DLG2: variants seen among roughly 807,000 people sequenced by gnomAD.
DLG2 encodes discs large MAGUK scaffold protein 2.
Under a neutral mutation model 132.5 loss-of-function variants are expected in DLG2, and 45 were observed. The observed-to-expected ratio is 0.34, with a 90% CI of 0.27 to 0.44. The LOEUF is 0.44. Ranked by LOEUF, DLG2 falls within the 20% of genes least tolerant of loss-of-function variation. DLG2 has a pLI of 1.00. For missense variants in DLG2, 1,045 were observed against 1,196.9 expected (o/e 0.87, Z 1.87); for synonymous variants, 424 against 419.6 (o/e 1.01, Z -0.13).
intron 6 of DLG2, among the ~76,000 whole-genome samples, chr11:84,587,403 GA>G (rs2099532333): frequency 6.6e-6 from 1 of 152,030 alleles, no homozygotes; most frequent in Non-Finnish European, 1.5e-5. Flanking sequence ...ACATTCCCAT[GA>G]CCCCTGAGCC....
intron 11 of DLG2, among the ~76,000 whole-genome samples, chr11:84,054,842 A>C (rs748066771): frequency 6.6e-6 from 1 of 152,096 alleles, no homozygotes; most frequent in Admixed American, 6.6e-5. Context: ...TTTATCCTCT[A>C]TTCTGTGCAA....
intron 16 of DLG2, among the ~76,000 whole-genome samples, chr11:83,850,161 T>TG (rs58290466): frequency 0.51 from 64,948 of 126,382 alleles, 15,510 homozygotes; most frequent in Middle Eastern, 0.69. Context: ...TGTGTGTGTG[T>TG]TTTTTTACTT....
rs183927159 is a variant in DLG2 at position 84,247,257 on chromosome 11, G to A, written c.573+3981C>T. Among the ~76,000 whole-genome samples, 6 of 152,212 alleles carry A rather than the reference G, an allele frequency of 3.9e-5. No individual in the cohort carries two copies. The East Asian group carries it at 9.7e-4, about 25-fold the overall frequency. ...GTGTCTGCTGAAAGGAGAGGAGAGC[G>A]CAATGTCAGTTGGTTGCAGAGTACC... On this transcript the variant is annotated intron_variant, in intron 8 of 27. Transcript: ENST00000376104.
chr11:84,209,027 T>C (rs1198058552), intron 8 of DLG2, among the ~76,000 whole-genome samples: 1 of 152,202 alleles, frequency 6.6e-6, no homozygotes, highest in Non-Finnish European at 1.5e-5. Context: ...TATATGTGTA[T>C]ACATAGGATA....
intron 7 of DLG2, among the ~76,000 whole-genome samples, chr11:84,450,434 C>A (rs1282441435): frequency 3.5e-5 from 5 of 142,868 alleles, no homozygotes; most frequent in African/African-American, 5.2e-5. Context: ...CCAGAAGAAA[C>A]AGCAGGAGCA....
chr11:83,628,666 T>A (rs567476224), intron 19 of DLG2, among the ~76,000 whole-genome samples: 1 of 152,304 alleles, frequency 6.6e-6, no homozygotes, highest in African/African-American at 2.4e-5. Context: ...TACCTCCTCA[T>A]CTGCATCAGG....
At chr11:85,522,866 A>G (rs949304617) in intron 3 of DLG2, among the ~76,000 whole-genome samples, 2 of 152,208 alleles carry the variant, frequency 1.3e-5, no homozygotes, top group African/African-American at 4.8e-5. Flanking sequence ...TCACAGGCAT[A>G]AGGGACTTGC....
intron 6 of DLG2, among the ~76,000 whole-genome samples, chr11:84,681,907 T>C (rs921262534): frequency 2.6e-5 from 4 of 152,026 alleles, no homozygotes; most frequent in Non-Finnish European, 5.9e-5. Flanking sequence ...AATATTGCTA[T>C]TATAGTATCT....
chr11:83,982,809 C>A (rs1211293506), intron 11 of DLG2, among the ~76,000 whole-genome samples: 4 of 152,136 alleles, frequency 2.6e-5, no homozygotes, highest in Non-Finnish European at 5.9e-5. Context: ...ATGCCCTGTA[C>A]AGATGTACCG....
intron 15 of DLG2, among the ~76,000 whole-genome samples, chr11:83,902,749 G>A (rs2073809679): frequency 6.6e-6 from 1 of 152,048 alleles, no homozygotes; most frequent in Non-Finnish European, 1.5e-5. Flanking sequence ...AATATAGGAA[G>A]GCAGATTGGA....
chr11:85,010,983 G>A (rs934630344), intron 6 of DLG2, among the ~76,000 whole-genome samples: 1 of 152,098 alleles, frequency 6.6e-6, no homozygotes, highest in Non-Finnish European at 1.5e-5. Context: ...GGGCACTGCT[G>A]GCATTTCAGA....
intron 7 of DLG2, among the ~76,000 whole-genome samples, chr11:84,471,150 G>A (rs2154490159): frequency 6.6e-6 from 1 of 151,728 alleles, no homozygotes; most frequent in African/African-American, 2.4e-5. Flanking sequence ...ATGGAACTGG[G>A]GTTCCCAGAC....
chr11:85,274,657 A>C (rs2077771545), intron 4 of DLG2, among the ~76,000 whole-genome samples: 1 of 152,126 alleles, frequency 6.6e-6, no homozygotes, highest in African/African-American at 2.4e-5. Flanking sequence ...ATTCTACCCC[A>C]AGTCTACCCC....
chr11:84,711,329 T>TG (rs1565736365), intron 6 of DLG2, among the ~76,000 whole-genome samples: 4 of 42,298 alleles, frequency 9.5e-5, no homozygotes, highest in East Asian at 9.9e-4. Flanking sequence ...ACAGAACCAG[T>TG]AAGAGAGAGA....
intron 6 of DLG2, chr11:84,923,188 C>G: frequency 6.2e-7 from 1 of 1,609,706 alleles, no homozygotes; most frequent in Non-Finnish European, 8.5e-7. Flanking sequence ...CACACACGAT[C>G]CTGGGCATGT....
intron 6 of DLG2, among the ~76,000 whole-genome samples, chr11:84,950,299 A>G (rs1050014383): frequency 1.3e-5 from 2 of 152,196 alleles, no homozygotes; most frequent in Admixed American, 6.5e-5. Context: ...AAAAAAATCT[A>G]TGGCTGTCTG....
chr11:85,098,620 A>T (rs1231150568), intron 6 of DLG2, among the ~76,000 whole-genome samples: 2 of 152,350 alleles, frequency 1.3e-5, no homozygotes, highest in Admixed American at 1.3e-4. Context: ...GCAGAAACAA[A>T]CTGACTCTTT....
chr11:84,669,333 A>T (rs2099703260), intron 6 of DLG2, among the ~76,000 whole-genome samples: 1 of 152,158 alleles, frequency 6.6e-6, no homozygotes, highest in East Asian at 1.9e-4. Flanking sequence ...GATACTAAGG[A>T]AAACATTTAC....
chr11:85,434,607 TC>T (rs2091377890), intron 3 of DLG2, among the ~76,000 whole-genome samples: 1 of 151,928 alleles, frequency 6.6e-6, no homozygotes, highest in South Asian at 2.1e-4. Flanking sequence ...ACATATACCC[TC>T]CCAAGAGTAA....
Sources: allele counts gnomAD v4.1 joint callset (sites outside exome capture counted in the v4.1 genomes callset), GRCh38; gene constraint gnomAD v4.1.1; transcripts MANE v1.5; gene names NCBI Gene and HGNC (gene_info 2026-07-23, HGNC 2026-07-21).